The following PPP1R36 variants were observed in gnomAD, a reference collection of about 807,000 sequenced individuals.
PPP1R36 encodes the protein chromosome 14 open reading frame 50.
In PPP1R36, 47 loss-of-function variants were observed where a neutral mutation model predicts 53.4. The ratio of observed to expected loss-of-function variants is 0.88; its 90% CI spans 0.70 to 1.12. PPP1R36 has a LOEUF of 1.12. Ranked by LOEUF, PPP1R36 falls within the 50% of genes most tolerant of loss-of-function variation. PPP1R36 has a pLI of 0.00. For synonymous variants in PPP1R36, 153 were observed against 170.5 expected (o/e 0.90, Z 0.80); for missense variants, 456 against 513.9 (o/e 0.89, Z 1.09).
rs149477152 is a variant in PPP1R36 at position 64,588,229 on chromosome 14, T to C, written c.1016T>C (p.Val339Ala). 2.9e-4 allele frequency: 471 copies of C among 1,614,108 alleles called. 1 individual carries two copies. In the African/African-American group the frequency reaches 5.5e-3, roughly 19 times the overall value. Reference sequence around the variant, plus strand: ...GTCTTTGAGAAAAAGTATCATCAAGTAGACGTCAGATTCCCAGCCGAGATG... The same window carrying C: ...GTCTTTGAGAAAAAGTATCATCAAGCAGACGTCAGATTCCCAGCCGAGATG... Reference protein sequence around the residue: ...QNVFEKKYHQVDVRFPAEMQK... With the variant: ...QNVFEKKYHQADVRFPAEMQK... The change falls in exon 11 of 12, where the codon GTA becomes GCA. Residue 339 changes from valine to alanine, a missense_variant. Coordinates refer to ENST00000298705, the MANE Select transcript of PPP1R36 (RefSeq NM_172365.3).
chr14:64,588,935 C>T (rs1258708509), intron 11 of PPP1R36, among the ~76,000 whole-genome samples: 1 of 152,110 alleles, frequency 6.6e-6, no homozygotes, highest in Admixed American at 6.5e-5. Context: ...AGCGCTAGTA[C>T]AAAATCTTGC....
chr14:64,552,010 TAGAA>T (rs1315332161), intron 2 of PPP1R36, among the ~76,000 whole-genome samples: 1 of 152,062 alleles, frequency 6.6e-6, no homozygotes, highest in Non-Finnish European at 1.5e-5. Context: ...TTGGTAAAAA[TAGAA>T]AGGCAAAGGA....
Position 64,587,285 on chromosome 14 carries a change from G to A in PPP1R36, c.803G>A (p.Arg268His), listed in dbSNP as rs772973762. The A allele has an allele frequency of 1.2e-5, 19 of 1,613,226 alleles. No individual in the cohort carries two copies. The highest frequency in any genetic ancestry group is 1.2e-4 in the Admixed American group (7 of 59,970). The part of the protein sequence containing the change: ...EIEEEVGRLF[R>H]TNMFNIPRRR... ...GAAGAAGAAGTAGGGAGACTCTTTC[G>A]TACCAATATGTTCAACATTCCTCGC... Residue 268 changes from arginine (R) to histidine (H), a missense_variant, in exon 10 of 12, where the codon CGT (arginine) becomes CAT (histidine). Physicochemically the swap from Arg to His is conservative, Grantham distance 29. Coordinates refer to ENST00000298705, the MANE Select transcript of PPP1R36 (RefSeq NM_172365.3).
intron 11 of PPP1R36, 143 bp downstream of exon 11, chr14:64,588,438 C>G: frequency 1.6e-6 from 1 of 634,990 alleles, no homozygotes. Flanking sequence ...CTGCCCTGCT[C>G]CCCTCCTAGT....
intron 6 of PPP1R36, among the ~76,000 whole-genome samples, chr14:64,567,956 T>C (rs1222604907): frequency 3.3e-5 from 5 of 152,202 alleles, no homozygotes; most frequent in Non-Finnish European, 4.4e-5. Context: ...GCCTGGCCCA[T>C]ACCAAACTCT....
At chr14:64,569,213 C>T (rs990204539) in intron 7 of PPP1R36, among the ~76,000 whole-genome samples, 1 of 152,250 alleles carries the variant, frequency 6.6e-6, no homozygotes, top group Admixed American at 6.5e-5. Context: ...CAGAACAATG[C>T]CTCTCAGCCT....
chr14:64,561,134 C>A lies in PPP1R36; in HGVS notation c.183-3617C>A, dbSNP rs562132685. Among the ~76,000 whole-genome samples, 4 of 152,194 alleles carry A rather than the reference C, an allele frequency of 2.6e-5. No homozygotes were observed. In the South Asian group the frequency reaches 8.3e-4, roughly 32 times the overall value. ...AAGTTTTATCCCATCAACTTAAGAC[C>A]CTGAAAGTTCTGAGGTTTCAGTCCT... On this transcript the variant is annotated intron_variant, in intron 3 of 11. Transcript: ENST00000298705.
At chr14:64,584,284 C>T (rs2080414404) in intron 8 of PPP1R36, among the ~76,000 whole-genome samples, 1 of 152,200 alleles carries the variant, frequency 6.6e-6, no homozygotes, top group South Asian at 2.1e-4. Context: ...ACTCTCATTT[C>T]AAAACCATGC....
chr14:64,587,129 C>T (rs1409776263), intron 9 of PPP1R36, 65 bp from the exon 10 acceptor site: 1 of 1,277,918 alleles, frequency 7.8e-7, no homozygotes, highest in Non-Finnish European at 1.1e-6. Flanking sequence ...CTGTGTTATA[C>T]AGACAGGTAA....
intron 7 of PPP1R36, among the ~76,000 whole-genome samples, chr14:64,568,850 G>C (rs1237093222): frequency 6.6e-6 from 1 of 151,976 alleles, no homozygotes; most frequent in Non-Finnish European, 1.5e-5. Context: ...TTACTTTTTT[G>C]TAGTAAGTCT....
intron 10 of PPP1R36, among the ~76,000 whole-genome samples, chr14:64,587,628 T>C (rs2080446786): frequency 6.6e-6 from 1 of 151,658 alleles, no homozygotes; most frequent in Admixed American, 6.6e-5. Context: ...GCCTGGCTAA[T>C]TTTTTGTATT....
At chr14:64,552,370 T>A (rs1284055586) in intron 2 of PPP1R36, among the ~76,000 whole-genome samples, 1 of 152,116 alleles carries the variant, frequency 6.6e-6, no homozygotes, top group Non-Finnish European at 1.5e-5. Context: ...GCACCTGTAA[T>A]CCCAGCTACT....
rs1433592032 is a variant in PPP1R36 at position 64,587,282 on chromosome 14, T to C, written c.800T>C (p.Phe267Ser). The change falls in exon 10 of 12, where the codon TTT (phenylalanine) becomes TCT (serine). Residue 267 changes from phenylalanine (F) to serine (S), a missense_variant. By Grantham distance (155) the Phe-to-Ser change is radical. Transcript: ENST00000298705. The stretch of plus-strand genomic sequence containing the variant: ...ATTGAAGAAGAAGTAGGGAGACTCT[T>C]TCGTACCAATATGTTCAACATTCCT... ...TEIEEEVGRL[F>S]RTNMFNIPRR... is the part of the protein sequence containing the mutation. 3 of 1,613,688 alleles carry C rather than the reference T, an allele frequency of 1.9e-6. No homozygotes were observed. The highest frequency in any genetic ancestry group is 1.7e-6 in the Non-Finnish European group (2 of 1,179,614).
chr14:64,558,004 A>AAAGC (rs71123861), intron 3 of PPP1R36, among the ~76,000 whole-genome samples: 2 of 150,088 alleles, frequency 1.3e-5, no homozygotes, highest in Non-Finnish European at 3.0e-5. Context: ...AAAAAAATAG[A>AAAGC]GAAAGAATGA....
Position 64,588,157 on chromosome 14 carries a change from C to T in PPP1R36, c.944C>T (p.Pro315Leu), listed in dbSNP as rs751944528. 2.5e-6 allele frequency: 4 copies of T among 1,613,108 alleles called. No individual in the cohort carries two copies. Among genetic ancestry groups the T allele is most frequent in the Admixed American group, 3.3e-5 (2 of 59,888 alleles). Residue 315 changes from proline to leucine, a missense_variant, in exon 11 of 12, where the codon CCA (proline) becomes CTA (leucine). Coordinates refer to ENST00000298705, the MANE Select transcript of PPP1R36 (RefSeq NM_172365.3). Reference sequence around the variant, plus strand: ...AAAAAAGCTATCAACATGCGTTCTCCAGTCATGTCTACTCTGCTGCCATCT... The same window carrying T: ...AAAAAAGCTATCAACATGCGTTCTCTAGTCATGTCTACTCTGCTGCCATCT... ...AIKKAINMRS[P>L]VMSTLLPSLR...
At chr14:64,580,021 C>T (rs2080375887) in intron 8 of PPP1R36, among the ~76,000 whole-genome samples, 1 of 152,108 alleles carries the variant, frequency 6.6e-6, no homozygotes, top group African/African-American at 2.4e-5. Flanking sequence ...TGATTTTGGC[C>T]AGGCACAGTG....
At chr14:64,573,787 C>G (rs2080320603) in intron 7 of PPP1R36, among the ~76,000 whole-genome samples, 1 of 151,194 alleles carries the variant, frequency 6.6e-6, no homozygotes, top group African/African-American at 2.4e-5. Flanking sequence ...GTGGTAGGCA[C>G]CTGTAATCCC....
Position 64,574,524 on chromosome 14 carries a change from G to A in PPP1R36, c.603G>A (p.Ala201=), listed in dbSNP as rs769136645. 119 of 1,613,792 alleles carry A rather than the reference G, an allele frequency of 7.4e-5. 1 individual carries two copies. Among genetic ancestry groups the A allele is most frequent in the South Asian group, 7.4e-4 (67 of 91,058 alleles). The change falls in exon 8 of 12, where the codon GCG becomes GCA. Residue 201 remains alanine (A), a synonymous_variant. Transcript: ENST00000298705. ...TAGAAGCAGCACAGAGGTACTTGGC[G>A]CAGAAGTACTGTATCCTTGTGCTGG... ...SELEAAQRYL[A]QKYCILVLGL...
chr14:64,550,168 C>T (rs2080082936), intron 1 of PPP1R36, 102 bp downstream of exon 1: 2 of 1,464,756 alleles, frequency 1.4e-6, no homozygotes, highest in African/African-American at 1.5e-5. Context: ...AGAGGCGGGT[C>T]GTCGCCTTCG....
Sources: allele counts gnomAD v4.1 joint callset (sites outside exome capture counted in the v4.1 genomes callset), GRCh38; gene constraint gnomAD v4.1.1; transcripts MANE v1.5; gene names NCBI Gene and HGNC (gene_info 2026-07-23, HGNC 2026-07-21).